The following FRY variants were observed in gnomAD, a reference collection of about 807,000 sequenced individuals.
FRY encodes protein furry homolog.
FRY carries 128 observed loss-of-function variants against 348.4 expected under a neutral mutation model. That is an observed-to-expected ratio of 0.37 (90% CI 0.32 to 0.43). FRY has a LOEUF of 0.43. Among genes scored for constraint, FRY ranks in the 20% least tolerant of loss-of-function variants. The probability of loss-of-function intolerance (pLI) is 1.00; values close to 1 mark genes in which losing one functional copy is unlikely to be tolerated. For synonymous variants in FRY, 1,370 were observed against 1,374.7 expected (o/e 1.00, Z 0.08); for missense variants, 2,736 against 3,695.2 (o/e 0.74, Z 6.73).
At chr13:32,251,834 T>C in intron 49 of FRY, 44 bp from the exon 50 acceptor site, 1 of 1,299,418 alleles carries the variant, frequency 7.7e-7, no homozygotes. Context: ...GCAGATTTGC[T>C]CACAGGAACC....
rs752661490 is a variant in FRY, at chr13:32,251,974, A to G, written c.7245+22A>G. On this transcript the variant is annotated intron_variant, in intron 50 of 60. Coordinates refer to ENST00000542859, the MANE Select transcript of FRY (RefSeq NM_023037.3). ...ATCAGTAAGTTCTGTCATGTGTCATAGTTATTTTGGTGTCATATCTCCTTT... is the reference window on the plus strand; with the variant it reads ...ATCAGTAAGTTCTGTCATGTGTCATGGTTATTTTGGTGTCATATCTCCTTT... 3 of 1,538,582 alleles carry G rather than the reference A, an allele frequency of 1.9e-6. No homozygotes were observed. The Admixed American group carries it at 5.0e-5, about 26-fold the overall frequency.
intron 1 of FRY, among the ~76,000 whole-genome samples, chr13:32,052,646 T>C (rs1451027146): frequency 6.6e-6 from 1 of 152,210 alleles, no homozygotes; most frequent in African/African-American, 2.4e-5. Context: ...TATTTAAATT[T>C]GAATACCAAA....
In FRY at chr13:32,298,696, G is replaced by A. The variant is rs2138676236; in HGVS notation, c.*3236G>A. 6.6e-6 allele frequency: 1 copy of A among 152,408 alleles called. No individual in the cohort carries two copies. The highest frequency in any genetic ancestry group is 2.1e-4 in the South Asian group (1 of 4,832). 9.4% of individuals were successfully genotyped at this position (152,408 alleles called of 1,614,324 possible). A position where few individuals can be genotyped will look rare whatever the true frequency, so the allele number is the denominator to read the frequency against. On this transcript the variant is annotated 3_prime_UTR_variant, in exon 61 of 61. Coordinates refer to ENST00000542859, the MANE Select transcript of FRY (RefSeq NM_023037.3). ...ATATCTGAGGAGAGATCTGAATGAA[G>A]TGAGGATACAATGGATATCCAAGGA... is the stretch of plus-strand genomic sequence containing the variant.
intron 1 of FRY, among the ~76,000 whole-genome samples, chr13:32,065,627 G>A (rs998582818): frequency 1.3e-5 from 2 of 152,056 alleles, no homozygotes; most frequent in African/African-American, 4.8e-5. Context: ...TTTAGAGAGA[G>A]TCTCACCCTG....
At chr13:32,168,205 T>C (rs1881859257) in intron 17 of FRY, among the ~76,000 whole-genome samples, 1 of 152,192 alleles carries the variant, frequency 6.6e-6, no homozygotes, top group Admixed American at 6.5e-5. Context: ...GAGCCAAGTT[T>C]CCAGTTTGAA....
chr13:32,233,941 C>G (rs1276092557), intron 41 of FRY, among the ~76,000 whole-genome samples: 1 of 152,046 alleles, frequency 6.6e-6, no homozygotes, highest in Non-Finnish European at 1.5e-5. Context: ...TGTTCCAAAG[C>G]CTTTTTCTAC....
intron 28 of FRY, among the ~76,000 whole-genome samples, chr13:32,192,271 TTTTG>T (rs1566122053): frequency 2.0e-5 from 3 of 151,506 alleles, no homozygotes; most frequent in African/African-American, 7.3e-5. Context: ...TAATGACTTT[TTTTG>T]TTTTGTTTGT....
In FRY at chr13:32,259,459, G is replaced by A. The variant is rs147812583; in HGVS notation, c.7417-2157G>A. ...GATTCAGGTCTTCACCAGAGCTGCC[G>A]CCAAATCAGCACTAGCAGTGACCTG... On this transcript the variant is annotated intron_variant, in intron 51 of 60. Transcript: ENST00000542859. Among the ~76,000 whole-genome samples the A allele has an allele frequency of 1.5e-3, 230 of 152,236 alleles. 3 individuals carry two copies. In the East Asian group the frequency reaches 0.028, roughly 19 times the overall value.
rs1881427848 is a variant in FRY, at chr13:32,161,256, G to C, written c.1892+5G>C. On this transcript the variant is annotated splice_donor_5th_base_variant and intron_variant, in intron 17 of 60. Transcript: ENST00000542859. ...ACTTATTGACTTACTGGCTAGGTAGGTGAGAATATTATTTGGCCAAAATTA... is the reference window on the plus strand; with the variant it reads ...ACTTATTGACTTACTGGCTAGGTAGCTGAGAATATTATTTGGCCAAAATTA... 6.4e-7 allele frequency: 1 copy of C among 1,551,424 alleles called. No individual in the cohort carries two copies. The highest frequency in any genetic ancestry group is 8.9e-7 in the Non-Finnish European group (1 of 1,122,726).
intron 36 of FRY, 141 bp downstream of exon 36, chr13:32,218,972 A>T: frequency 1.5e-6 from 1 of 647,700 alleles, no homozygotes; most frequent in Non-Finnish European, 2.8e-6. Context: ...TATGCAGATG[A>T]GCATAGAGTC....
At chr13:32,216,868 G>A (rs879485990) in intron 35 of FRY, among the ~76,000 whole-genome samples, 4 of 152,180 alleles carry the variant, frequency 2.6e-5, no homozygotes, top group Non-Finnish European at 5.9e-5. Context: ...AAGGTTTGAG[G>A]TATGAAGTTA....
intron 1 of FRY, among the ~76,000 whole-genome samples, chr13:32,074,237 CA>C (rs1874866040): frequency 6.6e-6 from 1 of 151,944 alleles, no homozygotes; most frequent in African/African-American, 2.4e-5. Context: ...AGTCATCCAA[CA>C]AAATCAATTA....
intron 1 of FRY, among the ~76,000 whole-genome samples, chr13:32,066,077 A>G (rs1325271341): frequency 2.6e-5 from 4 of 152,212 alleles, no homozygotes; most frequent in Admixed American, 2.6e-4. Context: ...TATCCAGTCC[A>G]TACTCAAGTT....
chr13:32,248,375 C>T (rs1263969977), intron 48 of FRY, among the ~76,000 whole-genome samples: 2 of 151,996 alleles, frequency 1.3e-5, no homozygotes, highest in African/African-American at 2.4e-5. Context: ...CACACCGAGG[C>T]CTATCACGGG....
intron 41 of FRY, among the ~76,000 whole-genome samples, chr13:32,232,678 C>A (rs962841952): frequency 5.3e-5 from 8 of 152,192 alleles, no homozygotes; most frequent in African/African-American, 1.2e-4. Flanking sequence ...TGAGTTGACA[C>A]CCCAGGCTTA....
Position 32,157,256 on chromosome 13 carries a change from T to C in FRY, c.1652-17T>C. 1 of 1,606,406 alleles carries C rather than the reference T, an allele frequency of 6.2e-7. No homozygotes were observed. The highest frequency in any genetic ancestry group is 8.5e-7 in the Non-Finnish European group (1 of 1,173,454). On this transcript the variant is annotated splice_polypyrimidine_tract_variant and intron_variant, in intron 15 of 60. Coordinates refer to ENST00000542859, the MANE Select transcript of FRY (RefSeq NM_023037.3). The stretch of plus-strand genomic sequence containing the variant: ...ATAGATTCAGTTGAAGGTATAACTA[T>C]AATGCATGTTTTTCAGGCATGTCCT...
chr13:32,058,322 CTCTGTA>C (rs943982362), intron 1 of FRY, among the ~76,000 whole-genome samples: 1 of 152,092 alleles, frequency 6.6e-6, no homozygotes, highest in Non-Finnish European at 1.5e-5. Context: ...ATTTTACTGT[CTCTGTA>C]TCTGTTGCAT....
At chr13:32,183,081 C>A in intron 24 of FRY, 47 bp downstream of exon 24, 2 of 1,163,124 alleles carry the variant, frequency 1.7e-6, no homozygotes, top group Non-Finnish European at 2.6e-6. Flanking sequence ...TTTGGACAAT[C>A]ATCTGAATTT....
intron 58 of FRY, chr13:32,287,834 T>C: frequency 2.3e-6 from 3 of 1,325,924 alleles, no homozygotes; most frequent in Non-Finnish European, 3.0e-6. Context: ...TTCTTTCCTT[T>C]CCTTTGTTTC....
Sources: gnomAD v4.1 joint callset for allele counts (sites outside exome capture counted in the v4.1 genomes callset) on GRCh38, gnomAD v4.1.1 for gene constraint, MANE v1.5 for transcripts, NCBI Gene and HGNC (gene_info 2026-07-23, HGNC 2026-07-21) for gene names.